The following ACTN1 variants were observed in gnomAD, a reference collection of about 807,000 sequenced individuals.
ACTN1 encodes the protein alpha-actinin-1.
Under a neutral mutation model 119.6 loss-of-function variants are expected in ACTN1, and 30 were observed. The ratio of observed to expected loss-of-function variants is 0.25; its 90% CI spans 0.19 to 0.34. The LOEUF is 0.34. Among genes scored for constraint, ACTN1 ranks in the 10% least tolerant of loss-of-function variants. The pLI, the probability that ACTN1 is intolerant of heterozygous loss-of-function variation, is 1.00. For synonymous variants in ACTN1, 429 were observed against 472.6 expected (o/e 0.91, Z 1.20); for missense variants, 764 against 1,223.4 (o/e 0.62, Z 5.60).
intron 1 of ACTN1, among the ~76,000 whole-genome samples, chr14:68,965,201 A>G (rs1386679739): frequency 6.6e-6 from 1 of 152,222 alleles, no homozygotes; most frequent in Non-Finnish European, 1.5e-5. Flanking sequence ...GATCACCACT[A>G]TGGACCTCAT....
chr14:68,879,334 G>T lies in ACTN1; in HGVS notation c.2281-265C>A, dbSNP rs144748702. 0.027 allele frequency among the ~76,000 whole-genome samples: 4,135 copies of T among 152,128 alleles called. 68 individuals are homozygous for T. The highest frequency in any genetic ancestry group is 0.035 in the African/African-American group (1,441 of 41,506). The stretch of plus-strand genomic sequence containing the variant: ...CAGTGGGGTGTGATGAGCCACAAGG[G>T]TGAGAAGCTCCCTCAGAAGTGACCC... On this transcript the variant is annotated intron_variant, in intron 18 of 21. Coordinates refer to ENST00000394419, the MANE Select transcript of ACTN1 (RefSeq NM_001130004.2). The surrounding 1 kb of genome is among the most constrained non-coding windows in gnomAD (Gnocchi z 4.9).
At chr14:68,933,485 C>T (rs1268640081) in intron 1 of ACTN1, among the ~76,000 whole-genome samples, 1 of 152,098 alleles carries the variant, frequency 6.6e-6, no homozygotes, top group Non-Finnish European at 1.5e-5. Flanking sequence ...CCCTCTTGGG[C>T]TATCCTTTGT....
At position 68,892,044 on chromosome 14, in the gene ACTN1, A is replaced by C; in HGVS notation, c.1086+9T>G. The C allele has an allele frequency of 6.2e-7, 1 of 1,612,632 alleles. No individual in the cohort carries two copies. The highest frequency in any genetic ancestry group is 8.5e-7 in the Non-Finnish European group (1 of 1,179,670). The stretch of plus-strand genomic sequence containing the variant: ...AGTCTGGGGGCCCAGGCTCACCCCC[A>C]GTGCTCACCGAGACCATCCTGCCCT... On this transcript the variant is annotated intron_variant, in intron 10 of 21. Transcript: ENST00000394419.
At chr14:68,896,533 T>A (rs1227685875) in intron 8 of ACTN1, among the ~76,000 whole-genome samples, 1 of 152,196 alleles carries the variant, frequency 6.6e-6, no homozygotes, top group East Asian at 1.9e-4. Context: ...AAGAACCCCA[T>A]GAACTCTGAG....
rs781067137 is a variant in ACTN1 at position 68,881,936 on chromosome 14, CTTT to C, written c.1953+519_1953+521del. Among the ~76,000 whole-genome samples, 45 of 58,390 alleles carry C rather than the reference CTTT, an allele frequency of 7.7e-4. 1 individual carries two copies. Among genetic ancestry groups the C allele is most frequent in the African/African-American group, 2.5e-3 (24 of 9,528 alleles). The allele number at this position is 58,390 out of a possible 152,430, so 38.3% of individuals were successfully genotyped here. A position where few individuals can be genotyped will look rare whatever the true frequency, so the allele number is the denominator to read the frequency against. On this transcript the variant is annotated intron_variant, in intron 16 of 21. Coordinates refer to ENST00000394419, the MANE Select transcript of ACTN1 (RefSeq NM_001130004.2). ...AGTATGGGACTTTCATAGGCAGCTT[CTTT>C]TTTTTTTTTTTTTTTTGACAGAGTC...
rs949885312 is a variant in ACTN1 at position 68,979,139 on chromosome 14, G to A, written c.-83C>T. ...GCTGCTGCCCTGGCGTGGGGAGGGA[G>A]TAGGGCTGGGCTGGGCTGGGCTGGC... On this transcript the variant is annotated 5_prime_UTR_variant, in exon 1 of 22. Coordinates refer to ENST00000394419, the MANE Select transcript of ACTN1 (RefSeq NM_001130004.2). 2.4e-6 allele frequency: 2 copies of A among 837,436 alleles called. No homozygotes were observed. The highest frequency in any genetic ancestry group is 2.1e-5 in the Admixed American group (1 of 46,598). 51.9% of individuals were successfully genotyped at this position (837,436 alleles called of 1,614,324 possible). A position where few individuals can be genotyped will look rare whatever the true frequency, so the allele number is the denominator to read the frequency against.
intron 3 of ACTN1, among the ~76,000 whole-genome samples, chr14:68,918,671 G>A (rs367623616): frequency 7.6e-4 from 115 of 152,200 alleles, no homozygotes; most frequent in East Asian, 1.7e-3. Context: ...CGAGGCGGGC[G>A]GATCACAAGG....
chr14:68,930,039 C>T (rs2035148994), intron 1 of ACTN1, among the ~76,000 whole-genome samples: 1 of 152,224 alleles, frequency 6.6e-6, no homozygotes, highest in Non-Finnish European at 1.5e-5. Flanking sequence ...TCACAGACTC[C>T]GCTAACCTCT....
At position 68,880,531 on chromosome 14, in the gene ACTN1, G is replaced by A. The variant is rs141968271; in HGVS notation, c.2133+279C>T. ...TTTCAAAGCAGATGCCTGAGCCAGT[G>A]TTTGGAGCCCACCAGCACCCAGAAC... is the stretch of plus-strand genomic sequence containing the variant. On this transcript the variant is annotated intron_variant, in intron 17 of 21. Coordinates refer to ENST00000394419, the MANE Select transcript of ACTN1 (RefSeq NM_001130004.2). This position sits in a 1 kb window ranked among gnomAD's most constrained non-coding sequence, Gnocchi z 4.6. Among the ~76,000 whole-genome samples the A allele has an allele frequency of 0.018, 2,775 of 152,272 alleles. 39 individuals are homozygous for A. The highest frequency in any genetic ancestry group is 0.026 in the Non-Finnish European group (1,775 of 68,010).
chr14:68,883,199 G>A (rs1478928903), intron 14 of ACTN1, 144 bp from the exon 15 acceptor site: 3 of 841,950 alleles, frequency 3.6e-6, no homozygotes, highest in East Asian at 5.1e-5. Flanking sequence ...AACCAGGATG[G>A]CAGGTATGGC....
chr14:68,978,181 G>T (rs1158320015), intron 1 of ACTN1: 1 of 456,246 alleles, frequency 2.2e-6, no homozygotes, highest in Non-Finnish European at 4.4e-6. Flanking sequence ...ACTGACCCTC[G>T]TTCTGCAGCC....
intron 1 of ACTN1, among the ~76,000 whole-genome samples, chr14:68,951,167 G>A (rs569548158): frequency 1.4e-4 from 22 of 152,272 alleles, no homozygotes; most frequent in African/African-American, 4.6e-4. Flanking sequence ...ACGGGGTGAC[G>A]GGCAGGCTCC....
intron 3 of ACTN1, among the ~76,000 whole-genome samples, chr14:68,915,718 GACAA>G (rs750606459): frequency 1.3e-5 from 2 of 152,200 alleles, no homozygotes; most frequent in Non-Finnish European, 2.9e-5. Flanking sequence ...GACGAAGTAC[GACAA>G]ACAGATGATG....
chr14:68,946,471 C>T (rs2035947775), intron 1 of ACTN1, among the ~76,000 whole-genome samples: 1 of 152,094 alleles, frequency 6.6e-6, no homozygotes, highest in African/African-American at 2.4e-5. Context: ...GAAAACTTCC[C>T]AGCCCAATAA....
intron 6 of ACTN1, among the ~76,000 whole-genome samples, chr14:68,904,973 C>T (rs547596536): frequency 7.2e-5 from 11 of 152,320 alleles, no homozygotes; most frequent in African/African-American, 1.7e-4. Flanking sequence ...GAAAATGGGG[C>T]GAAGTAGTCT....
At chr14:68,902,018 G>A (rs1192728154) in intron 8 of ACTN1, among the ~76,000 whole-genome samples, 1 of 152,226 alleles carries the variant, frequency 6.6e-6, no homozygotes, top group Non-Finnish European at 1.5e-5. Flanking sequence ...GGACAAAGGT[G>A]GGGCTTTATG....
chr14:68,889,783 C>CA (rs377262396), intron 11 of ACTN1, among the ~76,000 whole-genome samples: 15,409 of 150,918 alleles, frequency 0.1, 907 homozygotes, highest in Non-Finnish European at 0.14. Context: ...AATTCCATCT[C>CA]AAAAAAAAAC....
intron 2 of ACTN1, 23 bp from the exon 3 acceptor site, chr14:68,921,148 A>C: frequency 6.2e-7 from 1 of 1,613,294 alleles, no homozygotes; most frequent in Non-Finnish European, 8.5e-7. Flanking sequence ...AGAGGGAGGA[A>C]GAGGAAGGTG....
intron 21 of ACTN1, 86 bp from the exon 22 acceptor site, chr14:68,875,103 G>C: frequency 6.3e-7 from 1 of 1,578,034 alleles, no homozygotes; most frequent in Non-Finnish European, 8.6e-7. Context: ...GCCTGGCGGC[G>C]TGAAGGCAGC....
Sources: gnomAD v4.1 joint callset for allele counts (sites outside exome capture counted in the v4.1 genomes callset) on GRCh38, gnomAD v4.1.1 for gene constraint, Gnocchi (gnomAD v3.1) non-coding constraint, MANE v1.5 for transcripts, NCBI Gene and HGNC (gene_info 2026-07-23, HGNC 2026-07-21) for gene names.